The following COL23A1 variants were observed in gnomAD, a reference collection of about 807,000 sequenced individuals.
COL23A1 encodes the protein collagen alpha-1(XXIII) chain.
In COL23A1, 97 loss-of-function variants were observed where a neutral mutation model predicts 99.3. The ratio of observed to expected loss-of-function variants is 0.98; its 90% CI spans 0.83 to 1.16. The LOEUF is 1.16. Among genes scored for constraint, COL23A1 ranks in the 50% most tolerant of loss-of-function variants. The probability of loss-of-function intolerance (pLI) is 0.00; values close to 1 mark genes in which losing one functional copy is unlikely to be tolerated. For synonymous variants in COL23A1, 320 were observed against 308.2 expected, an observed-to-expected ratio of 1.04 and a Z score of -0.40; for missense variants, 762 against 757.4, an observed-to-expected ratio of 1.01 and a Z score of -0.07.
Position 178,249,909 on chromosome 5 carries a change from C to A in COL23A1, c.1059+152G>T. 4 of 1,030,512 alleles carry A rather than the reference C, an allele frequency of 3.9e-6. No individual in the cohort carries two copies. In the African/African-American group the frequency reaches 6.3e-5, roughly 16 times the overall value. 63.8% of individuals were successfully genotyped at this position (1,030,512 alleles called of 1,614,324 possible). Reference sequence around the variant, plus strand: ...GGGCAGACCAGGGTTTGCACACAGGCAGCCTGGTGCCAAAATCCATGATTT... The same window carrying A: ...GGGCAGACCAGGGTTTGCACACAGGAAGCCTGGTGCCAAAATCCATGATTT... On this transcript the variant is annotated intron_variant, in intron 18 of 28. Transcript: ENST00000390654.
chr5:178,377,326 T>C (rs1225633840), intron 2 of COL23A1, among the ~76,000 whole-genome samples: 2 of 152,100 alleles, frequency 1.3e-5, no homozygotes, highest in East Asian at 1.9e-4. Context: ...GTGTTCCTCC[T>C]TCCTTTTCCA....
At chr5:178,437,892 G>T (rs562446867) in intron 2 of COL23A1, among the ~76,000 whole-genome samples, 39 of 152,320 alleles carry the variant, frequency 2.6e-4, no homozygotes, top group African/African-American at 8.9e-4. Context: ...GGGATGTGGG[G>T]TCAGCCTCGG....
intron 2 of COL23A1, among the ~76,000 whole-genome samples, chr5:178,376,448 G>A (rs1001375754): frequency 2.0e-5 from 3 of 152,234 alleles, no homozygotes; most frequent in African/African-American, 7.2e-5. Flanking sequence ...GGAGTTGGGT[G>A]TGAGGCCCCC....
At chr5:178,408,303 C>T (rs1764865109) in intron 2 of COL23A1, among the ~76,000 whole-genome samples, 1 of 152,102 alleles carries the variant, frequency 6.6e-6, no homozygotes, top group African/African-American at 2.4e-5. Context: ...AGCAGACCTA[C>T]CCTAAAAGAA....
At position 178,497,354 on chromosome 5, in the gene COL23A1, T is replaced by C. The variant is rs776727734; in HGVS notation, c.361+63328A>G. Among the ~76,000 whole-genome samples, 113 of 152,270 alleles carry C rather than the reference T, an allele frequency of 7.4e-4. 1 individual carries two copies. Among genetic ancestry groups the C allele is most frequent in the Non-Finnish European group, 1.4e-3 (93 of 68,008 alleles). On this transcript the variant is annotated intron_variant, in intron 2 of 28. Transcript: ENST00000390654. ...CATCAAGATCCTCAGAAATGGCTCATATAGTTCCACAGCAGTGTATCCCCA... is the reference window on the plus strand; with the variant it reads ...CATCAAGATCCTCAGAAATGGCTCACATAGTTCCACAGCAGTGTATCCCCA...
intron 2 of COL23A1, chr5:178,345,401 T>C (rs1162010012): frequency 5.0e-6 from 2 of 401,102 alleles, no homozygotes; most frequent in African/African-American, 2.1e-5. Context: ...CCATGTGAAA[T>C]ACTACCAGAA....
rs145019081 is a variant in COL23A1 at position 178,465,041 on chromosome 5, C to T, written c.361+95641G>A. ...GATGAAGAGGTAGCTTTGAGTAGGG[C>T]CCTAAAAATAGTTCACTTGATTTAA... On this transcript the variant is annotated intron_variant, in intron 2 of 28. Transcript: ENST00000390654. Among the ~76,000 whole-genome samples the T allele has an allele frequency of 1.4e-4, 21 of 152,272 alleles. No homozygotes were observed. The East Asian group carries it at 4.1e-3, about 29-fold the overall frequency.
chr5:178,553,605 T>C (rs1004928001), intron 2 of COL23A1, among the ~76,000 whole-genome samples: 1 of 152,198 alleles, frequency 6.6e-6, no homozygotes, highest in Non-Finnish European at 1.5e-5. Flanking sequence ...TTCCTGACAA[T>C]GTCCAGGCAG....
At chr5:178,473,528 G>C (rs905830306) in intron 2 of COL23A1, among the ~76,000 whole-genome samples, 1 of 147,618 alleles carries the variant, frequency 6.8e-6, no homozygotes, top group Admixed American at 6.9e-5. Flanking sequence ...TGCCCAGGCT[G>C]GTCTTGAACT....
chr5:178,478,412 C>T (rs1413731436), intron 2 of COL23A1, among the ~76,000 whole-genome samples: 24 of 152,224 alleles, frequency 1.6e-4, no homozygotes, highest in Non-Finnish European at 2.9e-4. Context: ...AGACTCAAAA[C>T]GATAGTGCCA....
chr5:178,423,461 T>C (rs1376581510), intron 2 of COL23A1, among the ~76,000 whole-genome samples: 1 of 152,094 alleles, frequency 6.6e-6, no homozygotes, highest in Non-Finnish European at 1.5e-5. Flanking sequence ...CACTTTATTA[T>C]GAGATACGCT....
rs112113690 is a variant in COL23A1, at chr5:178,473,203, T to TAC, written c.361+87477_361+87478dup. Among the ~76,000 whole-genome samples, 256 of 152,314 alleles carry TAC rather than the reference T, an allele frequency of 1.7e-3. 1 individual carries two copies. The highest frequency in any genetic ancestry group is 5.8e-3 in the African/African-American group (241 of 41,564). ...AATAAAAATACAGTAGAACAATATT[T>TAC]ACATAGCTTTCACACTGTATCAGGT... is the stretch of plus-strand genomic sequence containing the variant. On this transcript the variant is annotated intron_variant, in intron 2 of 28. Coordinates refer to ENST00000390654, the MANE Select transcript of COL23A1 (RefSeq NM_173465.4).
chr5:178,261,427 T>A (rs868412036), intron 11 of COL23A1, among the ~76,000 whole-genome samples: 34 of 144,328 alleles, frequency 2.4e-4, no homozygotes, highest in African/African-American at 7.4e-4. Context: ...AATAGAAAAT[T>A]AAAAAAAAAA....
At chr5:178,585,667 T>TGGATGGCGCTGGGGTAATG (rs1763937329) in intron 1 of COL23A1, among the ~76,000 whole-genome samples, 13 of 2,464 alleles carry the variant, frequency 5.3e-3, no homozygotes, top group African/African-American at 6.3e-3. Flanking sequence ...GGGGTAACAC[T>TGGATGGCGCTGGGGTAATG]CCACAGCCCT....
At chr5:178,419,839 T>C (rs1765508437) in intron 2 of COL23A1, among the ~76,000 whole-genome samples, 1 of 152,128 alleles carries the variant, frequency 6.6e-6, no homozygotes, top group Admixed American at 6.5e-5. Context: ...GACCGCTGAG[T>C]GTTCAAACTG....
chr5:178,425,840 A>G (rs1168755560), intron 2 of COL23A1, among the ~76,000 whole-genome samples: 1 of 152,204 alleles, frequency 6.6e-6, no homozygotes, highest in African/African-American at 2.4e-5. Context: ...AGCCTGATGA[A>G]TTTGTGTCTT....
intron 2 of COL23A1, among the ~76,000 whole-genome samples, chr5:178,533,916 C>T (rs1760791500): frequency 6.6e-6 from 1 of 152,190 alleles, no homozygotes; most frequent in Non-Finnish European, 1.5e-5. Flanking sequence ...CTTCAGTGGA[C>T]ACCCAGTGTG....
chr5:178,504,498 G>A (rs750621702), intron 2 of COL23A1, among the ~76,000 whole-genome samples: 1 of 152,164 alleles, frequency 6.6e-6, no homozygotes, highest in Non-Finnish European at 1.5e-5. Context: ...GGAAAGGGCT[G>A]CGTCCTAGCC....
Position 178,563,526 on chromosome 5 carries a change from C to CTTTT in COL23A1, c.295-2782_295-2779dup, listed in dbSNP as rs779487808. Among the ~76,000 whole-genome samples the CTTTT allele has an allele frequency of 5.3e-3, 440 of 83,170 alleles. 14 individuals are homozygous for CTTTT. The highest frequency in any genetic ancestry group is 8.0e-3 in the African/African-American group (157 of 19,520). 54.6% of individuals were successfully genotyped at this position (83,170 alleles called of 152,430 possible). A position where few individuals can be genotyped will look rare whatever the true frequency, so the allele number is the denominator to read the frequency against. ...CCCTTGAGCCGGACCTCAGAACTCA[C>CTTTT]TTTTTTTTTTTTTTTTTTTTTTTGA... On this transcript the variant is annotated intron_variant, in intron 1 of 28. Coordinates refer to ENST00000390654, the MANE Select transcript of COL23A1 (RefSeq NM_173465.4).
Sources: gnomAD v4.1 joint callset for allele counts (sites outside exome capture counted in the v4.1 genomes callset) on GRCh38, gnomAD v4.1.1 for gene constraint, MANE v1.5 for transcripts, NCBI Gene and HGNC (gene_info 2026-07-23, HGNC 2026-07-21) for gene names.